The following FRMD6 variants were observed in gnomAD, a reference collection of about 807,000 sequenced individuals.
FRMD6 encodes the protein FERM domain-containing protein 6.
A neutral mutation model predicts 73.2 loss-of-function variants in FRMD6; 37 were observed. That is an observed-to-expected ratio of 0.51 (90% CI 0.39 to 0.66). The LOEUF is 0.66. Ranked by LOEUF, FRMD6 falls within the 30% of genes least tolerant of loss-of-function variation. The pLI is 0.00. For synonymous variants in FRMD6, 273 were observed against 282.2 expected, an observed-to-expected ratio of 0.97 and a Z score of 0.33; for missense variants, 714 against 780.5, an observed-to-expected ratio of 0.91 and a Z score of 1.02.
At chr14:51,411,002 T>G in the FRMD6 span, among the ~76,000 whole-genome samples, 10 of 152,340 alleles carry the variant, frequency 6.6e-5, no homozygotes, top group South Asian at 2.1e-3. Context: ...TGACCCCTCC[T>G]GCTGTGCCTG....
rs1898172915 is a variant in FRMD6, at chr14:51,729,905, C to T, written c.*1876C>T. 6.6e-6 allele frequency: 1 copy of T among 152,624 alleles called. No individual in the cohort carries two copies. The highest frequency in any genetic ancestry group is 1.5e-5 in the Non-Finnish European group (1 of 68,040). 9.5% of individuals were successfully genotyped at this position (152,624 alleles called of 1,614,324 possible). A position where few individuals can be genotyped will look rare whatever the true frequency, so the allele number is the denominator to read the frequency against. Reference sequence around the variant, plus strand: ...CTTTTATCAAATACTTTAATAGAACCAAAGTTGCAGATATTGGAATGTATG... The same window carrying T: ...CTTTTATCAAATACTTTAATAGAACTAAAGTTGCAGATATTGGAATGTATG... On this transcript the variant is annotated 3_prime_UTR_variant, in exon 14 of 14. Transcript: ENST00000344768.
chr14:51,461,022 C>G, the FRMD6 span, among the ~76,000 whole-genome samples: 1 of 152,136 alleles, frequency 6.6e-6, no homozygotes, highest in Admixed American at 6.5e-5. Context: ...ACCCCTTGGT[C>G]AAATTTGCTT....
At chr14:51,647,489 A>T (rs2357115), upstream of FRMD6, among the ~76,000 whole-genome samples, 83,135 of 152,046 alleles carry the variant, frequency 0.55, 23,444 homozygotes, top group Non-Finnish European at 0.64. Context: ...CAGGACCATA[A>T]CACTAAACTA....
rs974811067 is a variant in FRMD6, at chr14:51,727,728, C to T, written c.1585-17C>T. On this transcript the variant is annotated splice_polypyrimidine_tract_variant and intron_variant, in intron 13 of 13. Transcript: ENST00000344768. The stretch of plus-strand genomic sequence containing the variant: ...CCTTTCACTTTAAAGTTGTTTCATC[C>T]TTCCCTTATCTTGCAGACTATATGT... 3 of 1,579,106 alleles carry T rather than the reference C, an allele frequency of 1.9e-6. No homozygotes were observed. The highest frequency in any genetic ancestry group is 2.3e-5 in the East Asian group (1 of 44,086).
the FRMD6 span, among the ~76,000 whole-genome samples, chr14:51,443,007 A>C: frequency 6.6e-4 from 100 of 152,118 alleles, no homozygotes; most frequent in East Asian, 7.5e-3. Context: ...TCACTGCATG[A>C]CTCTGGCTTC....
intron 1 of FRMD6, among the ~76,000 whole-genome samples, chr14:51,551,345 A>G (rs1352395933): frequency 6.6e-6 from 1 of 152,226 alleles, no homozygotes; most frequent in African/African-American, 2.4e-5. Context: ...AGAAAAATTG[A>G]CTTAAATATA....
At chr14:51,639,744 T>A (rs1030572328) in intron 2 of FRMD6, among the ~76,000 whole-genome samples, 3 of 152,228 alleles carry the variant, frequency 2.0e-5, no homozygotes, top group African/African-American at 7.2e-5. Flanking sequence ...TGCAACCTCG[T>A]ATTTATCTAT....
At chr14:51,494,466 C>T (rs909135392) in intron 1 of FRMD6, among the ~76,000 whole-genome samples, 1 of 152,240 alleles carries the variant, frequency 6.6e-6, no homozygotes, top group African/African-American at 2.4e-5. Flanking sequence ...CAAAAACAAT[C>T]TTTGGCTTGA....
the FRMD6 span, among the ~76,000 whole-genome samples, chr14:51,483,545 G>C: frequency 1.3e-5 from 2 of 152,312 alleles, 1 homozygote; most frequent in Non-Finnish European, 2.9e-5. Context: ...GCTTGGCAAT[G>C]TGCAGGAACA....
intron 2 of FRMD6, chr14:51,584,244 C>T (rs1190372187): frequency 1.3e-5 from 2 of 152,196 alleles, no homozygotes; most frequent in African/African-American, 4.8e-5. Context: ...TGTTCCAGGA[C>T]ACTCTGAAAG....
At chr14:51,689,291 T>C (rs1450140184) in intron 1 of FRMD6, among the ~76,000 whole-genome samples, 1 of 152,220 alleles carries the variant, frequency 6.6e-6, no homozygotes, top group Non-Finnish European at 1.5e-5. Flanking sequence ...AGACATTTAT[T>C]TGAGTTTGAT....
the FRMD6 span, among the ~76,000 whole-genome samples, chr14:51,418,826 G>A: frequency 4.6e-5 from 7 of 152,306 alleles, no homozygotes; most frequent in East Asian, 1.3e-3. Flanking sequence ...GCTGTGGTGG[G>A]GTCCACCCAG....
At chr14:51,594,306 TTTTATTTATTTATTTA>T (rs148367741) in intron 2 of FRMD6, among the ~76,000 whole-genome samples, 1,497 of 143,068 alleles carry the variant, frequency 0.01, 9 homozygotes, top group Non-Finnish European at 0.016. Context: ...TGTATTTTAT[TTTTATTTATTTATTTA>T]TTTATTTATT....
chr14:51,509,805 T>G (rs1199088902), intron 1 of FRMD6, among the ~76,000 whole-genome samples: 12 of 151,998 alleles, frequency 7.9e-5, no homozygotes, highest in Admixed American at 7.2e-4. Flanking sequence ...TTTTGTATTT[T>G]GGTAGAGATG....
the FRMD6 span, among the ~76,000 whole-genome samples, chr14:51,443,322 A>G: frequency 6.6e-6 from 1 of 152,346 alleles, no homozygotes; most frequent in Non-Finnish European, 1.5e-5. Flanking sequence ...TCCAAGATGT[A>G]TAGATTTCTC....
intron 12 of FRMD6, among the ~76,000 whole-genome samples, chr14:51,724,838 C>T (rs1372270993): frequency 6.6e-6 from 1 of 151,968 alleles, no homozygotes; most frequent in Non-Finnish European, 1.5e-5. Context: ...TCACTTACAC[C>T]TCTAGTTCTT....
At chr14:51,684,175 C>T (rs1282196165) in intron 1 of FRMD6, among the ~76,000 whole-genome samples, 1 of 148,750 alleles carries the variant, frequency 6.7e-6, no homozygotes, top group Non-Finnish European at 1.5e-5. Context: ...AAAAAAAAAA[C>T]CCTCATAGTA....
At chr14:51,613,961 C>T (rs1038624726) in intron 2 of FRMD6, among the ~76,000 whole-genome samples, 11 of 152,100 alleles carry the variant, frequency 7.2e-5, no homozygotes, top group Admixed American at 5.2e-4. Flanking sequence ...TTATCACTAT[C>T]GCTCAAAATC....
Position 51,508,879 on chromosome 14 carries a change from C to T in FRMD6, c.-210+19459C>T, listed in dbSNP as rs574529975. Among the ~76,000 whole-genome samples, 155 of 152,146 alleles carry T rather than the reference C, an allele frequency of 1.0e-3. 3 individuals are homozygous for T. The South Asian group carries it at 0.017, about 17-fold the overall frequency. On this transcript the variant is annotated intron_variant, in intron 1 of 14. Transcript: ENST00000356218. ...CTCTCTTCCCACCCTTTTCTTCAAA[C>T]GCTGGTCTTTTCCTGTTTCTTTCCT...
Sources: gnomAD v4.1 joint callset for allele counts (sites outside exome capture counted in the v4.1 genomes callset) on GRCh38, gnomAD v4.1.1 for gene constraint, MANE v1.5 for transcripts, NCBI Gene and HGNC (gene_info 2026-07-23, HGNC 2026-07-21) for gene names.